Variants in IL9 observed in about 807,000 individuals in gnomAD.
The protein encoded by IL9 is interleukin 9, also known as interleukin-9.
Under a neutral mutation model 12.9 loss-of-function variants are expected in IL9, and 16 were observed. The observed-to-expected ratio is 1.24, with a 90% CI of 0.84 to 1.88. IL9 has a LOEUF of 1.88. IL9 is among the 40% of genes most tolerant of loss of function. IL9 has a pLI of 0.00. For missense variants in IL9, 170 were observed against 173.1 expected (o/e 0.98, Z 0.10); for synonymous variants, 69 against 63.8 (o/e 1.08, Z -0.39).
chr5:135,895,287 G>A (rs919389514), intron 3 of IL9, among the ~76,000 whole-genome samples, 153 bp downstream of exon 3: 1 of 152,122 alleles, frequency 6.6e-6, no homozygotes, highest in Admixed American at 6.5e-5. Context: ...GGAATAATTT[G>A]TAACAATGTG....
chr5:135,893,250 G>A (rs993204897), intron 4 of IL9, among the ~76,000 whole-genome samples: 3 of 152,178 alleles, frequency 2.0e-5, no homozygotes, highest in African/African-American at 7.2e-5. Context: ...AGAAAAGAAT[G>A]TGTGGATGGG....
In IL9 at chr5:135,895,421, G is replaced by A. The variant is rs1042325178; in HGVS notation, c.183+19C>T. ...CAAAAAAATCCAAGGTCAACATTATGTTATTTCACTATACTTACAGAGGGA... is the reference window on the plus strand; with the variant it reads ...CAAAAAAATCCAAGGTCAACATTATATTATTTCACTATACTTACAGAGGGA... On this transcript the variant is annotated intron_variant, in intron 3 of 4. Coordinates refer to ENST00000274520, the MANE Select transcript of IL9 (RefSeq NM_000590.2). The A allele has an allele frequency of 3.0e-5, 48 of 1,600,818 alleles. No individual in the cohort carries two copies. The highest frequency in any genetic ancestry group is 1.7e-4 in the Middle Eastern group (1 of 6,008).
intron 3 of IL9, 102 bp downstream of exon 3, chr5:135,895,338 C>A: frequency 1.1e-6 from 1 of 918,006 alleles, no homozygotes; most frequent in Non-Finnish European, 1.6e-6. Context: ...TTAAATTAAG[C>A]AACAATGTAT....
rs747619393 is a variant in IL9 at position 135,894,032 on chromosome 5, G to T, written c.303C>A (p.Asn101Lys). ...AAAACAAACTTACTGGACACTTGTT[G>T]TTCTTTAGTACTTCAACTGATTTTT... ...RVKKSVEVLK[N>K]NKCPYFSCEQ... The change falls in exon 4 of 5, where the codon AAC (asparagine) becomes AAA (lysine). Residue 101 changes from asparagine (N) to lysine (K), a missense_variant. Asn to Lys is a moderately conservative substitution (Grantham distance 94, BLOSUM62 0). Transcript: ENST00000274520. 3.7e-6 allele frequency: 6 copies of T among 1,611,590 alleles called. No individual in the cohort carries two copies. Among genetic ancestry groups the T allele is most frequent in the Non-Finnish European group, 5.1e-6 (6 of 1,179,472 alleles).
chr5:135,895,492 G>A lies in IL9; in HGVS notation c.151-20C>T, dbSNP rs1412707125. ...GGTCACCTGCAAGGGAAATTTCAGA[G>A]TGAAGATTCCAGATGTGAAAATTAA... On this transcript the variant is annotated intron_variant, in intron 2 of 4. Coordinates refer to ENST00000274520, the MANE Select transcript of IL9 (RefSeq NM_000590.2). 6.2e-7 allele frequency: 1 copy of A among 1,613,804 alleles called. No individual in the cohort carries two copies. The highest frequency in any genetic ancestry group is 8.5e-7 in the Non-Finnish European group (1 of 1,179,740).
chr5:135,893,167 A>C (rs1762898170), intron 4 of IL9, among the ~76,000 whole-genome samples: 1 of 152,214 alleles, frequency 6.6e-6, no homozygotes, highest in Non-Finnish European at 1.5e-5. Flanking sequence ...GCTAATACCC[A>C]AAAAACAGAG....
intron 4 of IL9, among the ~76,000 whole-genome samples, chr5:135,893,628 C>G (rs530235149): frequency 6.6e-6 from 1 of 152,010 alleles, no homozygotes; most frequent in African/African-American, 2.4e-5. Flanking sequence ...AAAACAAAAC[C>G]TCCTTAACCA....
At chr5:135,894,714 C>T (rs1300763906) in intron 3 of IL9, among the ~76,000 whole-genome samples, 2 of 152,214 alleles carry the variant, frequency 1.3e-5, no homozygotes, top group African/African-American at 4.8e-5. Context: ...TCTCCCAGGC[C>T]TTGCATGAGA....
chr5:135,894,357 G>T (rs559219100), intron 3 of IL9, among the ~76,000 whole-genome samples: 105 of 152,286 alleles, frequency 6.9e-4, no homozygotes, highest in Non-Finnish European at 1.1e-3. Flanking sequence ...ATCCCCTGGA[G>T]GAGACTTCCT....
In IL9 at chr5:135,893,945, G is replaced by T. The variant is rs553366479; in HGVS notation, c.315+75C>A. 50 of 1,292,328 alleles carry T rather than the reference G, an allele frequency of 3.9e-5. No individual in the cohort carries two copies. The African/African-American group carries it at 6.7e-4, about 17-fold the overall frequency. The allele number at this position is 1,292,328 out of a possible 1,614,324, so 80.1% of individuals were successfully genotyped here. ...AATTCCAACTTTATCATCCTTTTGT[G>T]TTCAAACAGGGTTGGCATCACCATT... is the stretch of plus-strand genomic sequence containing the variant. On this transcript the variant is annotated intron_variant, in intron 4 of 4. Coordinates refer to ENST00000274520, the MANE Select transcript of IL9 (RefSeq NM_000590.2).
In IL9 at chr5:135,895,543, G is replaced by A. The variant is rs1762928672; in HGVS notation, c.150+12C>T. On this transcript the variant is annotated intron_variant, in intron 2 of 4. Coordinates refer to ENST00000274520, the MANE Select transcript of IL9 (RefSeq NM_000590.2). ...AATTAATTTGGAAAGTTCTTAAAGA[G>A]CATTCACTCACATTAGCACTGCAGT... The A allele has an allele frequency of 6.2e-6, 10 of 1,613,634 alleles. No individual in the cohort carries two copies. The highest frequency in any genetic ancestry group is 8.5e-6 in the Non-Finnish European group (10 of 1,179,528).
At chr5:135,892,868 G>T (rs963095636) in intron 4 of IL9, among the ~76,000 whole-genome samples, 2 of 151,934 alleles carry the variant, frequency 1.3e-5, no homozygotes, top group African/African-American at 4.8e-5. Flanking sequence ...ATCCTTTTAG[G>T]TTGTCTTTCC....
intron 3 of IL9, 109 bp downstream of exon 3, chr5:135,895,331 A>T: frequency 1.1e-6 from 1 of 889,406 alleles, no homozygotes; most frequent in Non-Finnish European, 1.7e-6. Context: ...GTAACAATTA[A>T]ATTAAGCAAC....
At chr5:135,893,930 T>G in intron 4 of IL9, 90 bp downstream of exon 4, 11 of 1,124,768 alleles carry the variant, frequency 9.8e-6, no homozygotes, top group Non-Finnish European at 1.4e-5. Flanking sequence ...AATTCCAACT[T>G]TATCATCCTT....
Position 135,895,484 on chromosome 5 carries a change from AT to A in IL9, c.151-13del, listed in dbSNP as rs754661939. 3.7e-6 allele frequency: 6 copies of A among 1,613,884 alleles called. No homozygotes were observed. In the Admixed American group the frequency reaches 5.0e-5, roughly 13 times the overall value. The stretch of plus-strand genomic sequence containing the variant: ...AGACAACTGGTCACCTGCAAGGGAA[AT>A]TTCAGAGTGAAGATTCCAGATGTGA... On this transcript the variant is annotated splice_polypyrimidine_tract_variant and intron_variant, in intron 2 of 4. Transcript: ENST00000274520.
chr5:135,892,799 A>G (rs1341709099), intron 4 of IL9, among the ~76,000 whole-genome samples: 1 of 151,106 alleles, frequency 6.6e-6, no homozygotes, highest in South Asian at 2.1e-4. Flanking sequence ...GTGGCCCTAA[A>G]TCTCTGCATT....
At position 135,893,935 on chromosome 5, in the gene IL9, A is replaced by G. The variant is rs1762907651; in HGVS notation, c.315+85T>C. The G allele has an allele frequency of 2.6e-6, 3 of 1,169,800 alleles. 1 individual carries two copies. The highest frequency in any genetic ancestry group is 3.1e-5 in the South Asian group (2 of 63,492). The allele number at this position is 1,169,800 out of a possible 1,614,324, so 72.5% of individuals were successfully genotyped here. On this transcript the variant is annotated intron_variant, in intron 4 of 4. Transcript: ENST00000274520. ...TTGAACTACCAATTCCAACTTTATC[A>G]TCCTTTTGTGTTCAAACAGGGTTGG... is the stretch of plus-strand genomic sequence containing the variant.
intron 3 of IL9, 84 bp from the exon 4 acceptor site, chr5:135,894,235 G>T: frequency 7.6e-7 from 1 of 1,311,690 alleles, no homozygotes; most frequent in East Asian, 2.4e-5. Context: ...TAATAGAGAT[G>T]ATTTTTATTT....
chr5:135,892,778 A>C (rs185507223), intron 4 of IL9, among the ~76,000 whole-genome samples: 144 of 134,576 alleles, frequency 1.1e-3, no homozygotes, highest in African/African-American at 3.3e-3. Flanking sequence ...ACACACACAC[A>C]CCCCTATTAA....
Sources: allele counts gnomAD v4.1 joint callset (sites outside exome capture counted in the v4.1 genomes callset), GRCh38; gene constraint gnomAD v4.1.1; transcripts MANE v1.5; gene names NCBI Gene and HGNC (gene_info 2026-07-23, HGNC 2026-07-21).